The following PPFIBP2 variants were observed in gnomAD, a reference collection of about 807,000 sequenced individuals.
The protein encoded by PPFIBP2 is PPFIB scaffold protein 2, also known as liprin-beta-2.
Under a neutral mutation model 118.3 loss-of-function variants are expected in PPFIBP2, and 118 were observed. The observed-to-expected ratio is 1.00, with a 90% CI of 0.86 to 1.16. The LOEUF is 1.16. Among genes scored for constraint, PPFIBP2 ranks in the 50% most tolerant of loss-of-function variants. PPFIBP2 has a pLI of 0.00. For missense variants in PPFIBP2, 1,195 were observed against 1,073.1 expected (o/e 1.11, Z -1.59); for synonymous variants, 414 against 397.4 (o/e 1.04, Z -0.50).
rs183779825 is a variant in PPFIBP2, at chr11:7,633,895, G to T, written c.1137-600G>T. ...TGACTGCCAAGGAGACTTGGCACAG[G>T]TTACCCTTGTGACCACTGGTGGCAT... On this transcript the variant is annotated intron_variant, in intron 12 of 23. Transcript: ENST00000299492. 4.6e-5 allele frequency among the ~76,000 whole-genome samples: 7 copies of T among 152,280 alleles called. 1 individual carries two copies. The East Asian group carries it at 1.2e-3, about 25-fold the overall frequency.
rs779263521 is a variant in PPFIBP2, at chr11:7,565,712, G to T, written c.224G>T (p.Ser75Ile). Residue 75 changes from serine to isoleucine, a missense_variant, in exon 3 of 24, where the codon AGC (serine) becomes ATC (isoleucine). Physicochemically the swap from Ser to Ile is moderately radical, Grantham distance 142. Coordinates refer to ENST00000299492, the MANE Select transcript of PPFIBP2 (RefSeq NM_003621.5). The stretch of plus-strand genomic sequence containing the variant: ...CCTCAGGAGAGAGCAGCCCTCCTGA[G>T]CCAGATCCCTGGCCCAACAGCTGCC... ...ELPQERAALL[S>I]QIPGPTAAYI... The T allele has an allele frequency of 9.3e-6, 15 of 1,614,190 alleles. No homozygotes were observed. Among genetic ancestry groups the T allele is most frequent in the African/African-American group, 1.3e-5 (1 of 75,056 alleles).
chr11:7,577,338 T>TGC lies in PPFIBP2; in HGVS notation c.279+11572_279+11573insCG, dbSNP rs1564994434. 132 of 329,840 alleles carry TGC rather than the reference T, an allele frequency of 4.0e-4. 1 individual carries two copies. Among genetic ancestry groups the TGC allele is most frequent in the African/African-American group, 1.4e-3 (62 of 45,916 alleles). 20.4% of individuals were successfully genotyped at this position (329,840 alleles called of 1,614,324 possible). ...GTATGTGCGTGTGTGTGTGTGTGTG[T>TGC]GTGTGTGTGTGTGTTTGTTGGGGTG... On this transcript the variant is annotated intron_variant, in intron 3 of 23. Transcript: ENST00000299492.
At chr11:7,611,268 C>T (rs1848042292) in intron 6 of PPFIBP2, among the ~76,000 whole-genome samples, 1 of 152,160 alleles carries the variant, frequency 6.6e-6, no homozygotes, top group African/African-American at 2.4e-5. Context: ...GTGGTAAAGT[C>T]CAAATAAAAT....
chr11:7,601,098 C>T lies in PPFIBP2; in HGVS notation c.486+3425C>T, dbSNP rs115403450. 3.1e-3 allele frequency among the ~76,000 whole-genome samples: 472 copies of T among 152,320 alleles called. 3 individuals are homozygous for T. Among genetic ancestry groups the T allele is most frequent in the African/African-American group, 0.01 (433 of 41,566 alleles). On this transcript the variant is annotated intron_variant, in intron 5 of 23. Transcript: ENST00000299492. ...AGAACCCCATTGAGCTGTCTCTCTC[C>T]ATGCTGCTCTCCTGACCAATGTCAA...
At chr11:7,525,363 A>C (rs1445995330) in intron 1 of PPFIBP2, among the ~76,000 whole-genome samples, 1 of 152,196 alleles carries the variant, frequency 6.6e-6, no homozygotes, top group Non-Finnish European at 1.5e-5. Flanking sequence ...AGTGCTTGGC[A>C]CATCATAGGT....
chr11:7,622,298 G>A (rs1259023832), intron 7 of PPFIBP2, among the ~76,000 whole-genome samples: 1 of 152,202 alleles, frequency 6.6e-6, no homozygotes, highest in Admixed American at 6.5e-5. Flanking sequence ...CCAAGAGGGT[G>A]GTGCCACCAT....
At chr11:7,582,283 A>T (rs1039395514) in intron 3 of PPFIBP2, among the ~76,000 whole-genome samples, 1 of 152,206 alleles carries the variant, frequency 6.6e-6, no homozygotes, top group Non-Finnish European at 1.5e-5. Context: ...TTTCAATCCT[A>T]TGGGAAAGGC....
intron 1 of PPFIBP2, among the ~76,000 whole-genome samples, chr11:7,517,486 C>T (rs578034620): frequency 3.3e-5 from 5 of 151,844 alleles, no homozygotes; most frequent in South Asian, 2.1e-4. Context: ...TGGGTTGATG[C>T]GTTGGGTACT....
rs141080888 is a variant in PPFIBP2, at chr11:7,651,675, C to T, written c.2267C>T (p.Thr756Ile). The T allele has an allele frequency of 1.9e-6, 3 of 1,611,232 alleles. No homozygotes were observed. The highest frequency in any genetic ancestry group is 2.2e-5 in the South Asian group (2 of 90,808). ...GGLIILEPRF[T>I]GDTLAMLLNI... ...TCTTAGATCCTGGAGCCACGCTTCA[C>T]TGGGGACACCCTGGCTATGCTTCTC... The change falls in exon 23 of 24, where the codon ACT (threonine) becomes ATT (isoleucine). Residue 756 changes from threonine to isoleucine, a missense_variant. Coordinates refer to ENST00000299492, the MANE Select transcript of PPFIBP2 (RefSeq NM_003621.5).
chr11:7,649,474 CA>C, intron 20 of PPFIBP2, 57 bp from the exon 21 acceptor site: 1 of 1,604,854 alleles, frequency 6.2e-7, no homozygotes, highest in South Asian at 1.1e-5. Context: ...TGAGGGACAT[CA>C]GGGGTCTTTT....
chr11:7,619,332 A>G (rs1245972747), intron 6 of PPFIBP2, among the ~76,000 whole-genome samples: 1 of 152,202 alleles, frequency 6.6e-6, no homozygotes, highest in African/African-American at 2.4e-5. Flanking sequence ...CCTGGCAGAA[A>G]ATTCCAGACA....
intron 1 of PPFIBP2, among the ~76,000 whole-genome samples, chr11:7,541,425 G>A (rs1401571681): frequency 1.3e-5 from 2 of 152,192 alleles, no homozygotes; most frequent in African/African-American, 4.8e-5. Context: ...AGTTTGGAGA[G>A]AAGTGCTCTG....
Position 7,565,649 on chromosome 11 carries a change from T to C in PPFIBP2, c.161T>C (p.Ile54Thr). ...AACCCCTTCCCGGTGCTCCATCTCA[T>C]CGAGGACTTGAGGCTGGCCTTGGAG... is the stretch of plus-strand genomic sequence containing the variant. The part of the protein sequence containing the change: ...YMNPFPVLHL[I>T]EDLRLALEML... Residue 54 changes from isoleucine to threonine, a missense_variant, in exon 3 of 24, where the codon ATC becomes ACC. By Grantham distance (89) the Ile-to-Thr change is moderately conservative (BLOSUM62 -1). Coordinates refer to ENST00000299492, the MANE Select transcript of PPFIBP2 (RefSeq NM_003621.5). 6.2e-7 allele frequency: 1 copy of C among 1,614,164 alleles called. No homozygotes were observed. The highest frequency in any genetic ancestry group is 8.5e-7 in the Non-Finnish European group (1 of 1,180,014).
chr11:7,658,142 G>T (rs1813318687), downstream of PPFIBP2, among the ~76,000 whole-genome samples: 1 of 152,200 alleles, frequency 6.6e-6, no homozygotes, highest in Non-Finnish European at 1.5e-5. Context: ...AAAAGAGCAT[G>T]TTGTCATTTT....
At chr11:7,626,939 G>A (rs894105052) in intron 8 of PPFIBP2, among the ~76,000 whole-genome samples, 8 of 152,210 alleles carry the variant, frequency 5.3e-5, no homozygotes, top group African/African-American at 1.9e-4. Flanking sequence ...GTCCCTCTCC[G>A]AGCTTTTCTC....
chr11:7,527,373 G>C lies in PPFIBP2; in HGVS notation c.-37+13252G>C, dbSNP rs181965367. Among the ~76,000 whole-genome samples the C allele has an allele frequency of 1.7e-4, 26 of 152,022 alleles. 1 individual carries two copies. Among genetic ancestry groups the C allele is most frequent in the Non-Finnish European group, 1.2e-4 (8 of 67,992 alleles). On this transcript the variant is annotated intron_variant, in intron 1 of 23. Coordinates refer to ENST00000299492, the MANE Select transcript of PPFIBP2 (RefSeq NM_003621.5). ...GGAAGAGTGGCCATGGAACCCCAAG[G>C]TCAGAACTGGCCCATTGGATCTGGG...
chr11:7,663,965 T>C, the PPFIBP2 span, among the ~76,000 whole-genome samples: 48 of 152,350 alleles, frequency 3.2e-4, 1 homozygote, highest in East Asian at 8.9e-3. Context: ...CCCTGACCCC[T>C]TGTGCTTCCC....
intron 2 of PPFIBP2, among the ~76,000 whole-genome samples, chr11:7,554,324 A>G (rs148898716): frequency 9.5e-4 from 144 of 152,348 alleles, no homozygotes; most frequent in African/African-American, 3.3e-3. Context: ...AAATGGATGT[A>G]CTGTATTCAG....
chr11:7,581,347 A>C (rs1857230490), intron 3 of PPFIBP2, among the ~76,000 whole-genome samples: 2 of 152,178 alleles, frequency 1.3e-5, no homozygotes, highest in African/African-American at 4.8e-5. Context: ...GAAATCCCAG[A>C]CTGTCAGCAT....
Sources: allele counts gnomAD v4.1 joint callset (sites outside exome capture counted in the v4.1 genomes callset), GRCh38; gene constraint gnomAD v4.1.1; transcripts MANE v1.5; gene names NCBI Gene and HGNC (gene_info 2026-07-23, HGNC 2026-07-21).